The following SLIT2 variants were observed in gnomAD, a reference collection of about 807,000 sequenced individuals.
SLIT2 encodes the protein slit homolog 2 protein.
In SLIT2, 41 loss-of-function variants were observed where a neutral mutation model predicts 185.7. The ratio of observed to expected loss-of-function variants is 0.22; its 90% CI spans 0.17 to 0.29. SLIT2 has a LOEUF of 0.29. Among genes scored for constraint, SLIT2 ranks in the 10% least tolerant of loss-of-function variants. The probability of loss-of-function intolerance (pLI) is 1.00; values close to 1 mark genes in which losing one functional copy is unlikely to be tolerated. For synonymous variants in SLIT2, 693 were observed against 680.2 expected (o/e 1.02, Z -0.29); for missense variants, 1,571 against 1,909.0 (o/e 0.82, Z 3.30).
chr4:20,472,497 T>G lies in SLIT2; in HGVS notation c.467+4674T>G, dbSNP rs372485936. The stretch of plus-strand genomic sequence containing the variant: ...ATAGATATATATCTATATATAGATA[T>G]ATATCTATATATAGATAGATATATA... On this transcript the variant is annotated intron_variant, in intron 5 of 36. Transcript: ENST00000504154. Among the ~76,000 whole-genome samples the G allele has an allele frequency of 5.9e-4, 8 of 13,654 alleles. 1 individual carries two copies. Among genetic ancestry groups the G allele is most frequent in the South Asian group, 3.6e-3 (1 of 278 alleles). The allele number at this position is 13,654 out of a possible 152,430, so 9.0% of individuals were successfully genotyped here.
At chr4:20,308,169 G>A (rs1577404511) in intron 4 of SLIT2, among the ~76,000 whole-genome samples, 1 of 152,154 alleles carries the variant, frequency 6.6e-6, no homozygotes, top group South Asian at 2.1e-4. Context: ...GGGGCCTTGA[G>A]GGATTAGCAG....
At chr4:20,316,807 G>T (rs1718630915) in intron 4 of SLIT2, among the ~76,000 whole-genome samples, 1 of 149,442 alleles carries the variant, frequency 6.7e-6, no homozygotes, top group South Asian at 2.1e-4. Context: ...TATATTCCTG[G>T]CAGGGCTTGA....
chr4:20,400,088 C>G (rs975960034), intron 4 of SLIT2, among the ~76,000 whole-genome samples: 6 of 151,676 alleles, frequency 4.0e-5, no homozygotes, highest in Admixed American at 1.3e-4. Context: ...TATTGTTCTC[C>G]TACTATCATA....
At chr4:20,335,118 T>A (rs1367949893) in intron 4 of SLIT2, among the ~76,000 whole-genome samples, 1 of 152,128 alleles carries the variant, frequency 6.6e-6, no homozygotes, top group Non-Finnish European at 1.5e-5. Flanking sequence ...AGAGTTGATG[T>A]TGAGGAATGG....
intron 4 of SLIT2, among the ~76,000 whole-genome samples, chr4:20,371,046 C>T (rs61789394): frequency 1.3e-5 from 2 of 151,994 alleles, no homozygotes; most frequent in South Asian, 4.2e-4. Context: ...TAGGGGATGG[C>T]ATAGTTTCTT....
chr4:20,548,339 G>A (rs1437461735), intron 22 of SLIT2, 149 bp from the exon 23 acceptor site: 1 of 586,418 alleles, frequency 1.7e-6, no homozygotes, highest in Non-Finnish European at 3.0e-6. Flanking sequence ...ATCTACTCCA[G>A]TGGGTCGTTC....
intron 9 of SLIT2, among the ~76,000 whole-genome samples, chr4:20,501,354 CG>C (rs1718712746): frequency 2.6e-5 from 4 of 152,082 alleles, no homozygotes; most frequent in Non-Finnish European, 5.9e-5. Context: ...GGCGTGATCT[CG>C]GCTCACTGCA....
intron 5 of SLIT2, among the ~76,000 whole-genome samples, chr4:20,472,366 ATATC>A (rs1715316746): frequency 3.4e-5 from 1 of 29,602 alleles, no homozygotes; most frequent in African/African-American, 1.8e-4. Context: ...ATCTATATAG[ATATC>A]TATATCTATA....
At chr4:20,539,086 A>G (rs746076188) in intron 18 of SLIT2, among the ~76,000 whole-genome samples, 1 of 152,118 alleles carries the variant, frequency 6.6e-6, no homozygotes, top group East Asian at 1.9e-4. Context: ...CTGAATACAC[A>G]AATCACAGGG....
chr4:20,425,327 T>C (rs1202053980), intron 4 of SLIT2, among the ~76,000 whole-genome samples: 2 of 152,098 alleles, frequency 1.3e-5, no homozygotes, highest in African/African-American at 4.8e-5. Context: ...AAACTCATTG[T>C]CCACATTCCA....
intron 4 of SLIT2, among the ~76,000 whole-genome samples, chr4:20,397,015 C>T (rs892163640): frequency 1.5e-4 from 22 of 150,906 alleles, no homozygotes; most frequent in Non-Finnish European, 5.9e-5. Context: ...TAATATTAGT[C>T]ATCTAATTAT....
At chr4:20,533,907 C>T (rs1722034423) in intron 18 of SLIT2, among the ~76,000 whole-genome samples, 192 bp downstream of exon 18, 1 of 141,346 alleles carries the variant, frequency 7.1e-6, no homozygotes, top group Non-Finnish European at 1.5e-5. Context: ...GGTCCCTTAC[C>T]CCAATATTCC....
chr4:20,553,743 GTGTGTGTGTGTGTATGTGTGTGTGTGTA>G lies in SLIT2; in HGVS notation c.2562-51_2562-24del, dbSNP rs370258807. 491 of 1,291,954 alleles carry G rather than the reference GTGTGTGTGTGTGTATGTGTGTGTGTGTA, an allele frequency of 3.8e-4. 5 individuals carry two copies. In the East Asian group the frequency reaches 0.012, roughly 32 times the overall value. The allele number at this position is 1,291,954 out of a possible 1,614,324, so 80.0% of individuals were successfully genotyped here. On this transcript the variant is annotated intron_variant, in intron 25 of 36. Transcript: ENST00000504154. ...TAACAATACTTCCATACTTGTGTGT[GTGTGTGTGTGTGTATGTGTGTGTGTGTA>G]TGTGTGTGTGCTTCTGTGGTGTTGT...
At chr4:20,459,626 G>A (rs1171200637) in intron 4 of SLIT2, among the ~76,000 whole-genome samples, 12 of 152,024 alleles carry the variant, frequency 7.9e-5, no homozygotes, top group African/African-American at 7.2e-5. Flanking sequence ...TCTCTGATCC[G>A]TTCATTGAGC....
intron 4 of SLIT2, among the ~76,000 whole-genome samples, chr4:20,405,148 T>C (rs1726680819): frequency 6.6e-6 from 1 of 151,940 alleles, no homozygotes; most frequent in Admixed American, 6.6e-5. Flanking sequence ...GGGTTGGCAG[T>C]TGTGATGCAT....
chr4:20,470,641 T>C (rs1053560899), intron 5 of SLIT2, among the ~76,000 whole-genome samples: 1 of 152,102 alleles, frequency 6.6e-6, no homozygotes, highest in Non-Finnish European at 1.5e-5. Flanking sequence ...AGTGGCACAA[T>C]CTCAGCTCAC....
At chr4:20,291,200 G>C (rs1289761759) in intron 4 of SLIT2, among the ~76,000 whole-genome samples, 2 of 151,990 alleles carry the variant, frequency 1.3e-5, no homozygotes, top group Non-Finnish European at 2.9e-5. Flanking sequence ...TCTTGCACTT[G>C]TGTGATGTTC....
chr4:20,304,969 T>C (rs756781053), intron 4 of SLIT2, among the ~76,000 whole-genome samples: 2 of 152,240 alleles, frequency 1.3e-5, no homozygotes, highest in Admixed American at 6.5e-5. Context: ...TACCTTCATT[T>C]ATCTTAGCTC....
rs558687997 is a variant in SLIT2, at chr4:20,575,762, A to G, written c.3088+6758A>G. ...TATGTAAGGAAAGCTGTACCCACAA[A>G]ATTCAAGTGCAGCCAAGCCGTCTAT... On this transcript the variant is annotated intron_variant, in intron 29 of 36. Coordinates refer to ENST00000504154, the MANE Select transcript of SLIT2 (RefSeq NM_004787.4). Among the ~76,000 whole-genome samples, 16 of 152,238 alleles carry G rather than the reference A, an allele frequency of 1.1e-4. No individual in the cohort carries two copies. In the East Asian group the frequency reaches 2.9e-3, roughly 28 times the overall value.
Sources: gnomAD v4.1 joint callset for allele counts (sites outside exome capture counted in the v4.1 genomes callset) on GRCh38, gnomAD v4.1.1 for gene constraint, MANE v1.5 for transcripts, NCBI Gene and HGNC (gene_info 2026-07-23, HGNC 2026-07-21) for gene names.